MYO10: variants seen among roughly 807,000 people sequenced by gnomAD.
MYO10 encodes unconventional myosin-X.
MYO10 carries 133 observed loss-of-function variants against 257.3 expected under a neutral mutation model. That is an observed-to-expected ratio of 0.52 (90% CI 0.45 to 0.60). The LOEUF is 0.60. Among genes scored for constraint, MYO10 ranks in the 20% least tolerant of loss-of-function variants. MYO10 has a pLI of 0.00. For synonymous variants in MYO10, 1,104 were observed against 1,028.6 expected (o/e 1.07, Z -1.40); for missense variants, 2,399 against 2,635.7 (o/e 0.91, Z 1.97).
intron 3 of MYO10, among the ~76,000 whole-genome samples, chr5:16,811,320 A>G (rs1279769933): frequency 6.6e-6 from 1 of 152,126 alleles, no homozygotes; most frequent in Non-Finnish European, 1.5e-5. Context: ...TGTCTTTTAG[A>G]TATTACAAAA....
intron 3 of MYO10, among the ~76,000 whole-genome samples, chr5:16,800,366 TG>T (rs1268089327): frequency 1.3e-5 from 2 of 152,196 alleles, no homozygotes; most frequent in Non-Finnish European, 2.9e-5. Flanking sequence ...AAGACCAGCC[TG>T]GGCAATATAG....
chr5:16,675,869 G>C (rs1579800412), intron 34 of MYO10, among the ~76,000 whole-genome samples, 162 bp downstream of exon 34: 1 of 152,182 alleles, frequency 6.6e-6, no homozygotes, highest in Non-Finnish European at 1.5e-5. Context: ...TAGAAGTCTT[G>C]CTTTAATAAT....
At chr5:16,898,614 G>A (rs1171425875) in intron 1 of MYO10, among the ~76,000 whole-genome samples, 1 of 151,494 alleles carries the variant, frequency 6.6e-6, no homozygotes, top group Non-Finnish European at 1.5e-5. Flanking sequence ...TCACCATGTT[G>A]GCCAGGCTGG....
rs572355116 is a variant in MYO10, at chr5:16,701,187, C to T, written c.3208G>A (p.Glu1070Lys). The part of the protein sequence containing the change: ...SGSLHNSSSG[E>K]STYCMPQNAG... Reference sequence around the variant, plus strand: ...TTCTGGGGCATGCAGTAGGTGGACTCGCCGCTGGAGGAGTTGTGTAGGCTC... The same window carrying T: ...TTCTGGGGCATGCAGTAGGTGGACTTGCCGCTGGAGGAGTTGTGTAGGCTC... The change falls in exon 25 of 41, where the codon GAG becomes AAG. Residue 1070 changes from glutamate (E) to lysine (K), a missense_variant. Coordinates refer to ENST00000513610, the MANE Select transcript of MYO10 (RefSeq NM_012334.3). This position sits in a 1 kb window ranked among gnomAD's most constrained non-coding sequence, Gnocchi z 8.1. The T allele has an allele frequency of 6.2e-6, 10 of 1,608,514 alleles. No individual in the cohort carries two copies. The highest frequency in any genetic ancestry group is 5.9e-6 in the Non-Finnish European group (7 of 1,177,568).
chr5:16,676,919 A>AT (rs1447048121), intron 33 of MYO10, among the ~76,000 whole-genome samples: 3 of 152,142 alleles, frequency 2.0e-5, no homozygotes. Flanking sequence ...AAATCATGTT[A>AT]TTTTTATCTA....
rs954362486 is a variant in MYO10, at chr5:16,769,064, A to C, written c.1060+10T>G. 2 of 1,605,422 alleles carry C rather than the reference A, an allele frequency of 1.2e-6. No homozygotes were observed. The highest frequency in any genetic ancestry group is 1.7e-6 in the Non-Finnish European group (2 of 1,176,992). ...AAGGGAGCGAGGAGGGCAGGCAGGC[A>C]TAATCTTACCTGTTTTGAAGGAAAC... On this transcript the variant is annotated intron_variant, in intron 10 of 40. Coordinates refer to ENST00000513610, the MANE Select transcript of MYO10 (RefSeq NM_012334.3).
chr5:16,859,024 C>T (rs1229803440), intron 2 of MYO10, among the ~76,000 whole-genome samples: 1 of 152,102 alleles, frequency 6.6e-6, no homozygotes, highest in African/African-American at 2.4e-5. Flanking sequence ...CAACATGGGG[C>T]TCCTGTTTGG....
intron 19 of MYO10, among the ~76,000 whole-genome samples, chr5:16,736,824 G>A (rs973147000): frequency 6.6e-6 from 1 of 152,098 alleles, no homozygotes; most frequent in Non-Finnish European, 1.5e-5. Context: ...CTTATGTTTG[G>A]CCTTCATAAT....
intron 2 of MYO10, among the ~76,000 whole-genome samples, chr5:16,848,501 T>A (rs954448120): frequency 1.3e-5 from 2 of 152,096 alleles, no homozygotes; most frequent in African/African-American, 4.8e-5. Context: ...CAAATGCTGC[T>A]CTGATTTTCT....
chr5:16,762,775 C>A, intron 14 of MYO10, 138 bp from the exon 15 acceptor site: 1 of 598,284 alleles, frequency 1.7e-6, no homozygotes, highest in South Asian at 2.0e-5. Flanking sequence ...ACCAGCCTGG[C>A]CAACAGTGAA....
intron 3 of MYO10, among the ~76,000 whole-genome samples, chr5:16,808,092 T>C (rs1168456152): frequency 6.6e-6 from 1 of 152,188 alleles, no homozygotes; most frequent in Non-Finnish European, 1.5e-5. Flanking sequence ...TAAATTCATG[T>C]TTTAACTGTC....
At position 16,694,371 on chromosome 5, in the gene MYO10, T is replaced by C. The variant is rs774503868; in HGVS notation, c.3800A>G (p.Lys1267Arg). ...GCCACAGCCAGGCTTAGCAACCTAC[T>C]TTGCCGTTCGCACTTCTACGGTGCC... is the stretch of plus-strand genomic sequence containing the variant. The part of the protein sequence containing the change: ...LKGTVEVRTA[K>R]EIIDNTTKEN... The change falls in exon 27 of 41, where the codon AAA (lysine) becomes AGA (arginine). Residue 1267 changes from lysine to arginine, a missense_variant and splice_region_variant. Coordinates refer to ENST00000513610, the MANE Select transcript of MYO10 (RefSeq NM_012334.3). The C allele has an allele frequency of 1.5e-5, 24 of 1,614,016 alleles. No homozygotes were observed. The highest frequency in any genetic ancestry group is 4.5e-5 in the East Asian group (2 of 44,884).
intron 19 of MYO10, among the ~76,000 whole-genome samples, chr5:16,714,700 G>A (rs1198498214): frequency 6.6e-6 from 1 of 152,198 alleles, no homozygotes; most frequent in Non-Finnish European, 1.5e-5. Flanking sequence ...GCGGGCGCCT[G>A]CAGTCCCAGC....
chr5:16,674,789 G>A (rs1390198309), intron 35 of MYO10, 64 bp downstream of exon 35: 4 of 1,562,170 alleles, frequency 2.6e-6, no homozygotes, highest in Admixed American at 1.8e-5. Context: ...TCTGAACGAG[G>A]ACCCAGTGCC....
At chr5:16,738,890 CA>C (rs36039787) in intron 19 of MYO10, among the ~76,000 whole-genome samples, 42,448 of 74,306 alleles carry the variant, frequency 0.57, 8,794 homozygotes, top group African/African-American at 0.63. Context: ...GACTCCATCT[CA>C]AAAAAAAAAA....
chr5:16,777,318 G>C (rs1349680369), intron 9 of MYO10, among the ~76,000 whole-genome samples: 1 of 152,158 alleles, frequency 6.6e-6, no homozygotes, highest in Non-Finnish European at 1.5e-5. Flanking sequence ...CTTTAAAAGG[G>C]AGGCAGAGTG....
rs1736088521 is a variant in MYO10, at chr5:16,664,750, ACACATT to A, written c.*1936_*1941del. 6.6e-6 allele frequency: 1 copy of A among 152,152 alleles called. No homozygotes were observed. Among genetic ancestry groups the A allele is most frequent in the Non-Finnish European group, 1.5e-5 (1 of 68,046 alleles). The allele number at this position is 152,152 out of a possible 1,614,324, so 9.4% of individuals were successfully genotyped here. A position where few individuals can be genotyped will look rare whatever the true frequency, so the allele number is the denominator to read the frequency against. ...TGACATAGGGGACTGTCTGACATAA[ACACATT>A]TCAAGTCCTCAGCTGTGTGTGACTT... On this transcript the variant is annotated 3_prime_UTR_variant, in exon 41 of 41. Coordinates refer to ENST00000513610, the MANE Select transcript of MYO10 (RefSeq NM_012334.3).
intron 25 of MYO10, 92 bp downstream of exon 25, chr5:16,700,871 T>G (rs764637374): frequency 7.4e-7 from 1 of 1,352,216 alleles, no homozygotes; most frequent in Admixed American, 2.6e-5. Flanking sequence ...TGCACAGATA[T>G]CCTACGGGTA....
At chr5:16,674,190 G>A (rs756292342) in intron 35 of MYO10, among the ~76,000 whole-genome samples, 4 of 152,176 alleles carry the variant, frequency 2.6e-5, no homozygotes, top group African/African-American at 7.2e-5. Context: ...ATTCTTGGCC[G>A]GGCGCCGTGG....
Sources: gnomAD v4.1 joint callset for allele counts (sites outside exome capture counted in the v4.1 genomes callset) on GRCh38, gnomAD v4.1.1 for gene constraint, Gnocchi (gnomAD v3.1) non-coding constraint, MANE v1.5 for transcripts, NCBI Gene and HGNC (gene_info 2026-07-23, HGNC 2026-07-21) for gene names.